Variants in LCN12 observed in about 807,000 individuals in gnomAD.
The protein encoded by LCN12 is lipocalin 12.
In LCN12, 15 loss-of-function variants were observed where a neutral mutation model predicts 23.7. The observed-to-expected ratio is 0.63, with a 90% confidence interval of 0.42 to 0.97. The LOEUF is 0.97. Among genes scored for constraint, LCN12 ranks in the 50% least tolerant of loss-of-function variants. The pLI is 0.00. For missense variants in LCN12, 219 were observed against 249.6 expected (o/e 0.88, Z 0.83); for synonymous variants, 116 against 111.5 (o/e 1.04, Z -0.25).
Position 136,952,947 on chromosome 9 carries a change from A to C in LCN12, c.170A>C (p.His57Pro), listed in dbSNP as rs1488678217. The C allele has an allele frequency of 6.2e-7, 1 of 1,609,460 alleles. No individual in the cohort carries two copies. The highest frequency in any genetic ancestry group is 1.1e-5 in the South Asian group (1 of 91,012). The change falls in exon 2 of 6, where the codon CAC (histidine) becomes CCC (proline). Residue 57 changes from histidine (H) to proline (P), a missense_variant. Physicochemically the swap from His to Pro is moderately conservative, Grantham distance 77 (BLOSUM62 -2). Coordinates refer to ENST00000371633, the MANE Select transcript of LCN12 (RefSeq NM_178536.4). ...GLAGNSFRPE[H>P]RALLNAFTAT... ...GCGGGCAACAGCTTCAGGCCGGAGCACAGGGCGCTGCTGAACGCTTTCACC... is the reference window on the plus strand; with the variant it reads ...GCGGGCAACAGCTTCAGGCCGGAGCCCAGGGCGCTGCTGAACGCTTTCACC...
At chr9:136,954,342 A>G (rs1851260082) in intron 5 of LCN12, 87 bp downstream of exon 5, 2 of 1,416,964 alleles carry the variant, frequency 1.4e-6, no homozygotes, top group African/African-American at 1.4e-5. Flanking sequence ...AGCTGGACCC[A>G]GTGTCTACCC....
chr9:136,954,742 G>A, intron 5 of LCN12: 1 of 1,291,346 alleles, frequency 7.7e-7, no homozygotes, highest in Non-Finnish European at 1.0e-6. Context: ...CTGGACCTCA[G>A]CAGCCTGCCC....
intron 5 of LCN12, 192 bp downstream of exon 5, chr9:136,954,447 C>G (rs1588476025): frequency 1.4e-6 from 1 of 732,116 alleles, no homozygotes. Context: ...CGCCCCGGGT[C>G]CCCTGTCCTG....
chr9:136,955,903 C>A (rs117943162), downstream of LCN12, among the ~76,000 whole-genome samples: 110 of 152,298 alleles, frequency 7.2e-4, 1 homozygote, highest in East Asian at 0.017. Context: ...GGGAAGCTGG[C>A]CTGGAGCTAC....
Position 136,955,450 on chromosome 9 carries a change from C to T in LCN12, c.*51C>T, listed in dbSNP as rs772254402. On this transcript the variant is annotated 3_prime_UTR_variant, in exon 6 of 6. Transcript: ENST00000371633. The stretch of plus-strand genomic sequence containing the variant: ...CAGCCCTGCCTCACAGCTGTGCGAG[C>T]TCTGCCCTCCTCAGCTCTCAAACCT... 77 of 1,547,310 alleles carry T rather than the reference C, an allele frequency of 5.0e-5. No individual in the cohort carries two copies. Among genetic ancestry groups the T allele is most frequent in the Non-Finnish European group, 6.0e-5 (67 of 1,121,410 alleles).
chr9:136,954,886 C>T (rs1258237263), intron 5 of LCN12: 4 of 1,230,634 alleles, frequency 3.3e-6, no homozygotes, highest in African/African-American at 1.6e-5. Flanking sequence ...TGATTCCCGC[C>T]TCTGGTCCTT....
intron 1 of LCN12, chr9:136,952,655 T>TTTTGAG (rs1851187821): frequency 3.2e-6 from 2 of 630,296 alleles, no homozygotes; most frequent in Admixed American, 2.9e-5. Flanking sequence ...CATCGCTCCC[T>TTTTGAG]CTGTGCGTGA....
At chr9:136,955,518 TGAC>T, downstream of LCN12, 1 of 1,122,718 alleles carries the variant, frequency 8.9e-7, no homozygotes. Context: ...GTGACCACTA[TGAC>T]CTTGGGTTGG....
Position 136,952,287 on chromosome 9 carries a change from AC to A in LCN12, c.-40del, listed in dbSNP as rs1389275305. On this transcript the variant is annotated 5_prime_UTR_variant, in exon 1 of 6. Transcript: ENST00000371633. ...GTCTCTGGGTCACCTGCCCATGGCC[AC>A]TTCCTTCTCTCTGTCCCTGTGGGCC... The A allele has an allele frequency of 2.1e-6, 3 of 1,458,458 alleles. No individual in the cohort carries two copies. The African/African-American group carries it at 4.2e-5, about 20-fold the overall frequency. 90.3% of individuals were successfully genotyped at this position (1,458,458 alleles called of 1,614,324 possible).
chr9:136,953,489 A>C, intron 2 of LCN12: 1 of 555,394 alleles, frequency 1.8e-6, no homozygotes, highest in Non-Finnish European at 3.2e-6. Flanking sequence ...TAATCCCAGT[A>C]CTTCAGGAGG....
At position 136,954,237 on chromosome 9, in the gene LCN12, G is replaced by T. The variant is rs1851256063; in HGVS notation, c.532G>T (p.Val178Phe). 1 of 1,571,252 alleles carries T rather than the reference G, an allele frequency of 6.4e-7. No individual in the cohort carries two copies. Among genetic ancestry groups the T allele is most frequent in the Non-Finnish European group, 8.6e-7 (1 of 1,157,538 alleles). The stretch of plus-strand genomic sequence containing the variant: ...TCAGGGCCTCTCGGATGACAACATC[G>T]TCTTCCCAGATGTGACTGGTAACAT... ...RAQGLSDDNIVFPDVTGWSPQ... is the reference protein window; with the variant it reads ...RAQGLSDDNIFFPDVTGWSPQ... Residue 178 changes from valine to phenylalanine, a missense_variant, in exon 5 of 6, where the codon GTC becomes TTC. By Grantham distance (50) the Val-to-Phe change is conservative. Transcript: ENST00000371633.
Position 136,954,942 on chromosome 9 carries a change from G to C in LCN12, c.551-429G>C, listed in dbSNP as rs1208391649. The C allele has an allele frequency of 4.0e-6, 5 of 1,254,470 alleles. No individual in the cohort carries two copies. The African/African-American group carries it at 4.6e-5, about 12-fold the overall frequency. 77.7% of individuals were successfully genotyped at this position (1,254,470 alleles called of 1,614,324 possible). On this transcript the variant is annotated intron_variant, in intron 5 of 5. Transcript: ENST00000371633. ...CACACACACTCACGCATGAGCAAACGTGTACAGACTGGCACATGCCTCCAC... is the reference window on the plus strand; with the variant it reads ...CACACACACTCACGCATGAGCAAACCTGTACAGACTGGCACATGCCTCCAC...
At chr9:136,954,659 C>T (rs764451485) in intron 5 of LCN12, 2 of 1,211,334 alleles carry the variant, frequency 1.7e-6, no homozygotes, top group African/African-American at 1.6e-5. Context: ...CCTCTGGGTC[C>T]CCTGTCCTGG....
At chr9:136,955,613 C>T (rs916511891), downstream of LCN12, 16 of 531,794 alleles carry the variant, frequency 3.0e-5, no homozygotes, top group African/African-American at 3.9e-5. Flanking sequence ...GCCCCCCAGC[C>T]GGCTGTCTCT....
At chr9:136,954,742 GCAGCCTGCCCTGGGTGGCAGCCC>G in intron 5 of LCN12, 1 of 1,291,346 alleles carries the variant, frequency 7.7e-7, no homozygotes, top group Non-Finnish European at 1.0e-6. Flanking sequence ...CTGGACCTCA[GCAGCCTGCCCTGGGTGGCAGCCC>G]CAGCCTGACC....
At chr9:136,954,743 C>T (rs927754540) in intron 5 of LCN12, 201 of 1,290,868 alleles carry the variant, frequency 1.6e-4, no homozygotes, top group Non-Finnish European at 1.9e-4. Context: ...TGGACCTCAG[C>T]AGCCTGCCCT....
chr9:136,949,874 T>C (rs561020546), upstream of LCN12, among the ~76,000 whole-genome samples: 37 of 152,230 alleles, frequency 2.4e-4, no homozygotes, highest in Middle Eastern at 0.02. Context: ...AAGGACGCCT[T>C]GCAGAAGGCG....
downstream of LCN12, among the ~76,000 whole-genome samples, chr9:136,956,204 C>G (rs1010629457): frequency 2.0e-5 from 3 of 152,180 alleles, no homozygotes; most frequent in African/African-American, 7.2e-5. Flanking sequence ...GCAGGGAGAG[C>G]AGGACACCAC....
chr9:136,949,995 G>A (rs566811999), upstream of LCN12, among the ~76,000 whole-genome samples: 2 of 144,358 alleles, frequency 1.4e-5, no homozygotes, highest in Admixed American at 1.4e-4. Context: ...GCCCACCCCA[G>A]GCGGTATGGA....
Sources: gnomAD v4.1 joint callset for allele counts (sites outside exome capture counted in the v4.1 genomes callset) on GRCh38, gnomAD v4.1.1 for gene constraint, MANE v1.5 for transcripts, NCBI Gene and HGNC (gene_info 2026-07-23, HGNC 2026-07-21) for gene names.